The following DPP6 variants were observed in gnomAD, a reference collection of about 807,000 sequenced individuals.
DPP6 encodes the protein A-type potassium channel modulatory protein DPP6.
In DPP6, 69 loss-of-function variants were observed where a neutral mutation model predicts 122.6. That is an observed-to-expected ratio of 0.56 (90% CI 0.46 to 0.69). The LOEUF (loss-of-function observed/expected upper bound fraction) is 0.69. DPP6 is among the 30% of genes least tolerant of loss of function. DPP6 has a pLI of 0.00. For synonymous variants in DPP6, 418 were observed against 433.1 expected (o/e 0.97, Z 0.43); for missense variants, 928 against 1,116.9 (o/e 0.83, Z 2.41).
rs565899233 is a variant in DPP6 at position 154,110,626 on chromosome 7, C to G, written c.243+57563C>G. On this transcript the variant is annotated intron_variant, in intron 1 of 25. Coordinates refer to ENST00000377770, the MANE Select transcript of DPP6 (RefSeq NM_130797.4). ...GGATGAGCGAGAAAGGGGATGGAGG[C>G]TTTGGCAATGTTGAATGGGTTTTCC... Among the ~76,000 whole-genome samples, 5 of 152,158 alleles carry G rather than the reference C, an allele frequency of 3.3e-5. No individual in the cohort carries two copies. In the South Asian group the frequency reaches 8.3e-4, roughly 25 times the overall value.
At chr7:154,000,747 C>T (rs1179370709) in intron 1 of DPP6, among the ~76,000 whole-genome samples, 4 of 152,148 alleles carry the variant, frequency 2.6e-5, no homozygotes, top group South Asian at 2.1e-4. Flanking sequence ...CTCTTCTTCG[C>T]GTATTCATCT....
intron 5 of DPP6, among the ~76,000 whole-genome samples, chr7:154,582,398 G>A (rs1832131304): frequency 6.6e-6 from 1 of 152,182 alleles, no homozygotes; most frequent in African/African-American, 2.4e-5. Flanking sequence ...TGACCCATTG[G>A]GTTTGTAGAA....
At chr7:154,229,674 A>G (rs988930372) in intron 1 of DPP6, among the ~76,000 whole-genome samples, 2 of 152,186 alleles carry the variant, frequency 1.3e-5, no homozygotes, top group African/African-American at 4.8e-5. Context: ...TAAACTTTTT[A>G]TAAAGCATCA....
chr7:154,053,790 A>G lies in DPP6; in HGVS notation c.243+727A>G, dbSNP rs568409344. On this transcript the variant is annotated intron_variant, in intron 1 of 25. Coordinates refer to ENST00000377770, the MANE Select transcript of DPP6 (RefSeq NM_130797.4). ...ACCGTGTTCAGTGAAAACTTCTCCGAGAGCACATTTCCTACTCTTCATGGG... is the reference window on the plus strand; with the variant it reads ...ACCGTGTTCAGTGAAAACTTCTCCGGGAGCACATTTCCTACTCTTCATGGG... Among the ~76,000 whole-genome samples the G allele has an allele frequency of 2.4e-3, 368 of 150,352 alleles. 1 individual carries two copies. The highest frequency in any genetic ancestry group is 8.2e-3 in the African/African-American group (337 of 41,040).
At chr7:154,143,299 G>A (rs1215782127) in intron 1 of DPP6, among the ~76,000 whole-genome samples, 2 of 152,178 alleles carry the variant, frequency 1.3e-5, no homozygotes, top group East Asian at 3.9e-4. Flanking sequence ...CATGGAGACT[G>A]CTTGGTCTTT....
intron 1 of DPP6, among the ~76,000 whole-genome samples, chr7:154,120,996 G>T (rs898271963): frequency 6.6e-6 from 1 of 152,130 alleles, no homozygotes; most frequent in Non-Finnish European, 1.5e-5. Context: ...CCCCCATGCT[G>T]TTCTTGTGGC....
At chr7:153,797,184 A>G in the DPP6 span, among the ~76,000 whole-genome samples, 2 of 152,058 alleles carry the variant, frequency 1.3e-5, no homozygotes, top group African/African-American at 4.8e-5. Context: ...CTTTCAAGAG[A>G]CTCTGAGCCA....
intron 1 of DPP6, among the ~76,000 whole-genome samples, chr7:154,260,973 G>A (rs1178896154): frequency 1.3e-5 from 2 of 151,936 alleles, no homozygotes; most frequent in Non-Finnish European, 2.9e-5. Flanking sequence ...TCAGCTCACC[G>A]TAATCTCCGC....
chr7:154,070,735 C>A (rs1279483532), intron 1 of DPP6, among the ~76,000 whole-genome samples: 3 of 152,118 alleles, frequency 2.0e-5, no homozygotes, highest in Non-Finnish European at 2.9e-5. Flanking sequence ...ACAGATAATT[C>A]TTCACATCAT....
intron 1 of DPP6, among the ~76,000 whole-genome samples, chr7:154,235,177 C>T (rs887746418): frequency 3.9e-5 from 6 of 152,214 alleles, no homozygotes; most frequent in Non-Finnish European, 7.3e-5. Flanking sequence ...AGCAGTCACT[C>T]TGCATCCTCT....
At chr7:154,253,358 G>A (rs935697363) in intron 1 of DPP6, among the ~76,000 whole-genome samples, 2 of 152,204 alleles carry the variant, frequency 1.3e-5, no homozygotes, top group Non-Finnish European at 2.9e-5. Context: ...GGTGTGGGGG[G>A]TGAGGGGACA....
intron 1 of DPP6, among the ~76,000 whole-genome samples, chr7:154,285,381 CAGCCTCCCAAGT>C (rs1464107503): frequency 2.6e-5 from 4 of 152,104 alleles, no homozygotes; most frequent in African/African-American, 9.7e-5. Flanking sequence ...TCTCCTGCCT[CAGCCTCCCAAGT>C]AGCTTGGATA....
intron 6 of DPP6, among the ~76,000 whole-genome samples, chr7:154,663,301 T>C (rs1372341786): frequency 2.2e-4 from 11 of 49,278 alleles, no homozygotes; most frequent in Non-Finnish European, 4.4e-4. Flanking sequence ...CATGGCGTAT[T>C]GGCCATAGTG....
At chr7:153,865,903 T>A in the DPP6 span, among the ~76,000 whole-genome samples, 1 of 150,186 alleles carries the variant, frequency 6.7e-6, no homozygotes, top group African/African-American at 2.4e-5. Flanking sequence ...ACATGTGGTG[T>A]TTAGTTTTTT....
At chr7:154,664,363 A>G (rs1211907113) in intron 6 of DPP6, among the ~76,000 whole-genome samples, 2 of 152,230 alleles carry the variant, frequency 1.3e-5, no homozygotes. Flanking sequence ...AGAAAAGTTA[A>G]TCCCCTGCTG....
At chr7:154,480,227 C>T (rs183628425) in intron 3 of DPP6, among the ~76,000 whole-genome samples, 11 of 152,280 alleles carry the variant, frequency 7.2e-5, no homozygotes, top group African/African-American at 2.6e-4. Flanking sequence ...ATCTCAAGTC[C>T]ACATGCCCTG....
At chr7:153,969,247 G>A (rs1795902342) in intron 1 of DPP6, among the ~76,000 whole-genome samples, 1 of 148,842 alleles carries the variant, frequency 6.7e-6, no homozygotes, top group South Asian at 2.1e-4. Context: ...CCCAAGTGGT[G>A]TAGCTCCTGT....
chr7:153,837,837 A>AT, the DPP6 span, among the ~76,000 whole-genome samples: 38,306 of 80,174 alleles, frequency 0.48, 10,386 homozygotes, highest in Non-Finnish European at 0.55. Context: ...TGCCTGGTTA[A>AT]TTTTTTTTTT....
At chr7:154,794,261 C>T in intron 11 of DPP6, 59 bp downstream of exon 11, 1 of 1,504,174 alleles carries the variant, frequency 6.6e-7, no homozygotes, top group Non-Finnish European at 9.0e-7. Flanking sequence ...TCAGACGCGC[C>T]CGAGGTGGCG....
Sources: allele counts gnomAD v4.1 joint callset (sites outside exome capture counted in the v4.1 genomes callset), GRCh38; gene constraint gnomAD v4.1.1; transcripts MANE v1.5; gene names NCBI Gene and HGNC (gene_info 2026-07-23, HGNC 2026-07-21).